SNAP91: variants seen among roughly 807,000 people sequenced by gnomAD.
The protein encoded by SNAP91 is synaptosome associated protein 91.
Under a neutral mutation model 100.3 loss-of-function variants are expected in SNAP91, and 27 were observed. The ratio of observed to expected loss-of-function variants is 0.27; its 90% CI spans 0.20 to 0.37. The LOEUF is 0.37. SNAP91 is among the 10% of genes least tolerant of loss of function. The probability of loss-of-function intolerance (pLI) is 1.00; values close to 1 mark genes in which losing one functional copy is unlikely to be tolerated. For missense variants in SNAP91, 986 were observed against 1,123.7 expected (o/e 0.88, Z 1.75); for synonymous variants, 404 against 398.6 (o/e 1.01, Z -0.16).
chr6:83,601,361 T>C lies in SNAP91; in HGVS notation c.1234A>G (p.Thr412Ala), dbSNP rs777753921. The C allele has an allele frequency of 8.9e-5, 144 of 1,613,380 alleles. No individual in the cohort carries two copies. Among genetic ancestry groups the C allele is most frequent in the Admixed American group, 6.5e-4 (39 of 59,822 alleles). Reference sequence around the variant, plus strand: ...GCAGTTGCAATTTCAGCAGTTGTAGTAGGAGGGGTAGGTTCTGGTGCAAAT... The same window carrying C: ...GCAGTTGCAATTTCAGCAGTTGTAGCAGGAGGGGTAGGTTCTGGTGCAAAT... Reference protein sequence around the residue: ...DPFAPEPTPPTTTAEIATASA... With the variant: ...DPFAPEPTPPATTAEIATASA... Residue 412 changes from threonine (T) to alanine (A), a missense_variant, in exon 16 of 30, where the codon ACT becomes GCT. By Grantham distance (58) the Thr-to-Ala change is moderately conservative. Coordinates refer to ENST00000369694, the MANE Select transcript of SNAP91 (RefSeq NM_001242792.2).
At chr6:83,641,947 T>C (rs192295910) in intron 7 of SNAP91, among the ~76,000 whole-genome samples, 2 of 152,230 alleles carry the variant, frequency 1.3e-5, no homozygotes, top group African/African-American at 4.8e-5. Flanking sequence ...AGAGTATAAT[T>C]TTTCCATACA....
chr6:83,600,472 C>T (rs1275648339), intron 16 of SNAP91, among the ~76,000 whole-genome samples: 1 of 152,112 alleles, frequency 6.6e-6, no homozygotes, highest in African/African-American at 2.4e-5. Context: ...ACTATAACAT[C>T]ACTTGACGTA....
intron 26 of SNAP91, among the ~76,000 whole-genome samples, chr6:83,563,684 C>CA (rs1562107382): frequency 6.6e-6 from 1 of 152,078 alleles, no homozygotes; most frequent in Non-Finnish European, 1.5e-5. Context: ...GACCAATATA[C>CA]AAAACTCAGT....
intron 9 of SNAP91, among the ~76,000 whole-genome samples, chr6:83,621,119 C>T (rs1277773549): frequency 1.3e-5 from 2 of 152,116 alleles, no homozygotes; most frequent in African/African-American, 4.8e-5. Context: ...GTACCACCTT[C>T]TACCCTCCAG....
At chr6:83,667,953 G>C (rs1045523624) in intron 2 of SNAP91, among the ~76,000 whole-genome samples, 1 of 152,076 alleles carries the variant, frequency 6.6e-6, no homozygotes, top group Non-Finnish European at 1.5e-5. Flanking sequence ...CTAATATCCA[G>C]AATCTACAAA....
At chr6:83,708,580 G>A (rs1381174556) in intron 1 of SNAP91, 1 of 151,516 alleles carries the variant, frequency 6.6e-6, no homozygotes, top group Admixed American at 6.6e-5. Context: ...CCCATCGCCC[G>A]GGCCCCTTCC....
At chr6:83,659,167 C>G in intron 5 of SNAP91, 75 bp from the exon 6 acceptor site, 1 of 1,146,444 alleles carries the variant, frequency 8.7e-7, no homozygotes, top group Non-Finnish European at 1.2e-6. Flanking sequence ...TTGTTCTAAG[C>G]TGTTCCCCCA....
chr6:83,577,023 G>T (rs1308824520), intron 24 of SNAP91, among the ~76,000 whole-genome samples: 1 of 152,178 alleles, frequency 6.6e-6, no homozygotes, highest in Non-Finnish European at 1.5e-5. Flanking sequence ...CTGCTAGAAG[G>T]CGATAAGGAA....
At chr6:83,649,030 A>C (rs114850444) in intron 7 of SNAP91, among the ~76,000 whole-genome samples, 2,389 of 152,264 alleles carry the variant, frequency 0.016, 49 homozygotes, top group African/African-American at 0.052. Flanking sequence ...TTCTTCTAGA[A>C]GCTTTTTAGT....
chr6:83,638,713 A>G (rs992732708), intron 8 of SNAP91, among the ~76,000 whole-genome samples: 1 of 152,180 alleles, frequency 6.6e-6, no homozygotes, highest in Non-Finnish European at 1.5e-5. Flanking sequence ...GTTCAAAGAG[A>G]CAATTTAGGA....
intron 24 of SNAP91, among the ~76,000 whole-genome samples, chr6:83,579,362 T>C (rs1178211816): frequency 6.6e-6 from 1 of 152,136 alleles, no homozygotes; most frequent in Non-Finnish European, 1.5e-5. Context: ...AGTCACTTTG[T>C]GAGATGAAAT....
intron 7 of SNAP91, among the ~76,000 whole-genome samples, chr6:83,652,523 T>C (rs1474614268): frequency 6.6e-6 from 1 of 152,172 alleles, no homozygotes; most frequent in African/African-American, 2.4e-5. Flanking sequence ...CTTGTATTAC[T>C]GCTGTCATTC....
chr6:83,614,578 A>T (rs1251588085), intron 11 of SNAP91, among the ~76,000 whole-genome samples: 2 of 152,162 alleles, frequency 1.3e-5, no homozygotes, highest in African/African-American at 2.4e-5. Flanking sequence ...CAAATAAAAA[A>T]TATTTCATTT....
intron 2 of SNAP91, among the ~76,000 whole-genome samples, chr6:83,692,067 G>A (rs2099137909): frequency 6.6e-6 from 1 of 152,152 alleles, no homozygotes; most frequent in South Asian, 2.1e-4. Context: ...AGATGTCAGA[G>A]ATAAGCCCAG....
intron 2 of SNAP91, among the ~76,000 whole-genome samples, chr6:83,679,543 C>T (rs1015148206): frequency 6.6e-6 from 1 of 151,990 alleles, no homozygotes; most frequent in African/African-American, 2.4e-5. Context: ...AGGCCCCATC[C>T]CTATCTCTTC....
intron 27 of SNAP91, 39 bp from the exon 28 acceptor site, chr6:83,560,247 G>A (rs1435354893): frequency 7.0e-7 from 1 of 1,431,278 alleles, no homozygotes. Flanking sequence ...GAGCATGAGT[G>A]GAACTCACTA....
At chr6:83,627,466 A>C (rs1329464820) in intron 8 of SNAP91, among the ~76,000 whole-genome samples, 4 of 152,028 alleles carry the variant, frequency 2.6e-5, no homozygotes, top group South Asian at 2.1e-4. Context: ...TTTAGCTGTG[A>C]ATCTATTTGG....
At chr6:83,561,554 A>T (rs1787737102) in intron 26 of SNAP91, among the ~76,000 whole-genome samples, 1 of 152,190 alleles carries the variant, frequency 6.6e-6, no homozygotes, top group Non-Finnish European at 1.5e-5. Flanking sequence ...GATTGCTCAT[A>T]ACATTGGGCT....
intron 7 of SNAP91, among the ~76,000 whole-genome samples, chr6:83,653,581 T>A (rs1331838428): frequency 6.6e-6 from 1 of 152,178 alleles, no homozygotes; most frequent in Non-Finnish European, 1.5e-5. Context: ...AAATCCCCAG[T>A]CTGATCATTC....
Sources: allele counts gnomAD v4.1 joint callset (sites outside exome capture counted in the v4.1 genomes callset), GRCh38; gene constraint gnomAD v4.1.1; transcripts MANE v1.5; gene names NCBI Gene and HGNC (gene_info 2026-07-23, HGNC 2026-07-21).